The following MBD5 variants were observed in gnomAD, a reference collection of about 807,000 sequenced individuals.
The protein encoded by MBD5 is methyl-CpG binding domain protein 5.
Under a neutral mutation model 117.3 loss-of-function variants are expected in MBD5, and 13 were observed. The observed-to-expected ratio is 0.11, with a 90% CI of 0.07 to 0.18. The LOEUF is 0.18. Ranked by LOEUF, MBD5 falls within the 10% of genes least tolerant of loss-of-function variation. The pLI is 1.00. For missense variants in MBD5, 1,879 were observed against 2,093.8 expected (o/e 0.90, Z 2.00); for synonymous variants, 727 against 766.4 (o/e 0.95, Z 0.85).
intron 1 of MBD5, among the ~76,000 whole-genome samples, chr2:148,029,812 TTTATG>T (rs1233059513): frequency 6.6e-6 from 1 of 152,224 alleles, no homozygotes; most frequent in East Asian, 1.9e-4. Context: ...CTACACATTC[TTTATG>T]TATGTACATG....
At chr2:148,217,305 T>C (rs1328203634) in intron 2 of MBD5, among the ~76,000 whole-genome samples, 3 of 152,136 alleles carry the variant, frequency 2.0e-5, no homozygotes, top group African/African-American at 7.2e-5. Context: ...GGCCTTTCTT[T>C]GCATTCAGCT....
rs534064051 is a variant in MBD5 at position 148,453,845 on chromosome 2, C to A, written c.-556-4358C>A. ...TTTTAATATTTAGCAAAAGAAGGCA[C>A]GCATCAGTTTCAAAAGTTTAAGAAA... On this transcript the variant is annotated intron_variant, in intron 4 of 13. Coordinates refer to ENST00000642680, the MANE Select transcript of MBD5 (RefSeq NM_001378120.1). Among the ~76,000 whole-genome samples the A allele has an allele frequency of 9.2e-5, 14 of 152,042 alleles. No individual in the cohort carries two copies. In the South Asian group the frequency reaches 2.9e-3, roughly 32 times the overall value.
At chr2:148,422,317 C>T (rs913072404) in intron 4 of MBD5, among the ~76,000 whole-genome samples, 3 of 152,122 alleles carry the variant, frequency 2.0e-5, no homozygotes, top group African/African-American at 4.8e-5. Flanking sequence ...CTCCAGCAAA[C>T]TCTAGCAGAC....
chr2:148,117,362 CAT>C (rs1201642925), intron 1 of MBD5, among the ~76,000 whole-genome samples: 1 of 151,680 alleles, frequency 6.6e-6, no homozygotes, highest in African/African-American at 2.4e-5. Context: ...AGGACTAAGA[CAT>C]GTGTAGCCCA....
chr2:148,227,924 T>C (rs1451130618), intron 2 of MBD5, among the ~76,000 whole-genome samples: 2 of 152,220 alleles, frequency 1.3e-5, no homozygotes, highest in Admixed American at 1.3e-4. Flanking sequence ...CTGTTATTGG[T>C]GTATAAGAAT....
intron 2 of MBD5, among the ~76,000 whole-genome samples, chr2:148,229,760 A>T: frequency 6.6e-6 from 1 of 152,202 alleles, no homozygotes; most frequent in Admixed American, 6.5e-5. Context: ...AGACTCATAA[A>T]GGTACTGCCT....
intron 1 of MBD5, among the ~76,000 whole-genome samples, chr2:148,171,578 T>C (rs1010485876): frequency 3.9e-5 from 6 of 152,184 alleles, no homozygotes; most frequent in African/African-American, 1.2e-4. Flanking sequence ...ATACCCACTG[T>C]TACCTCTCTT....
chr2:148,408,959 A>G (rs1574393042), intron 4 of MBD5, among the ~76,000 whole-genome samples: 2 of 152,318 alleles, frequency 1.3e-5, no homozygotes, highest in East Asian at 3.9e-4. Context: ...CATAGGTTAT[A>G]GGCAAATACT....
intron 4 of MBD5, among the ~76,000 whole-genome samples, chr2:148,417,288 CTTTTTTT>C (rs745409695): frequency 6.5e-5 from 6 of 91,804 alleles, no homozygotes; most frequent in Non-Finnish European, 1.0e-4. Context: ...ATGCACAGCT[CTTTTTTT>C]TTTTTTTTTT....
intron 4 of MBD5, among the ~76,000 whole-genome samples, chr2:148,379,656 T>C (rs1453128896): frequency 6.6e-6 from 1 of 152,074 alleles, no homozygotes; most frequent in Non-Finnish European, 1.5e-5. Context: ...CTATTAATAC[T>C]ACTAATAGGT....
chr2:148,209,177 A>G (rs576610291), intron 2 of MBD5, among the ~76,000 whole-genome samples: 1 of 152,322 alleles, frequency 6.6e-6, no homozygotes, highest in African/African-American at 2.4e-5. Flanking sequence ...TCATTTTATT[A>G]TATATCTCAT....
At chr2:148,439,795 G>T (rs541631022) in intron 4 of MBD5, among the ~76,000 whole-genome samples, 9 of 147,376 alleles carry the variant, frequency 6.1e-5, no homozygotes, top group Admixed American at 1.4e-4. Flanking sequence ...CTGAAGTGCA[G>T]TGGTATGATC....
intron 1 of MBD5, among the ~76,000 whole-genome samples, chr2:148,157,215 GC>G (rs1343700229): frequency 6.6e-6 from 1 of 151,746 alleles, no homozygotes; most frequent in African/African-American, 2.4e-5. Flanking sequence ...GTATACATGT[GC>G]CCTGGTGGTT....
chr2:148,158,074 A>G (rs1697916546), intron 1 of MBD5, among the ~76,000 whole-genome samples: 1 of 152,178 alleles, frequency 6.6e-6, no homozygotes, highest in Non-Finnish European at 1.5e-5. Flanking sequence ...TAACAAAATA[A>G]TATGCTAGCA....
At chr2:148,400,247 T>C (rs1341275429) in intron 4 of MBD5, among the ~76,000 whole-genome samples, 1 of 152,158 alleles carries the variant, frequency 6.6e-6, no homozygotes, top group East Asian at 1.9e-4. Flanking sequence ...TTTTCAGTAA[T>C]ATGGTATTCC....
chr2:148,470,339 C>G lies in MBD5; in HGVS notation c.2396C>G (p.Ser799Trp), dbSNP rs759990854. The change falls in exon 8 of 14, where the codon TCG becomes TGG. Residue 799 changes from serine to tryptophan, a missense_variant. Physicochemically the swap from Ser to Trp is radical, Grantham distance 177. Transcript: ENST00000642680. Reference sequence around the variant, plus strand: ...GGGAACTGTGGGATGCTCAGTCAGTCGGGCATGGCTTTAGGAAATTCCTTA... The same window carrying G: ...GGGAACTGTGGGATGCTCAGTCAGTGGGGCATGGCTTTAGGAAATTCCTTA... ...ASGNCGMLSQ[S>W]GMALGNSLHP... is the part of the protein sequence containing the mutation. 6.2e-7 allele frequency: 1 copy of G among 1,613,864 alleles called. No homozygotes were observed. The highest frequency in any genetic ancestry group is 2.2e-5 in the East Asian group (1 of 44,878).
intron 1 of MBD5, among the ~76,000 whole-genome samples, chr2:148,051,309 T>C (rs1490993977): frequency 7.8e-6 from 1 of 128,534 alleles, no homozygotes; most frequent in Non-Finnish European, 1.7e-5. Context: ...CTCTAAAATA[T>C]TTTAGTGGAT....
chr2:148,294,418 G>T (rs1444173897), intron 3 of MBD5, among the ~76,000 whole-genome samples: 1 of 149,800 alleles, frequency 6.7e-6, no homozygotes, highest in Non-Finnish European at 1.5e-5. Context: ...TAGAGACAGG[G>T]TTTCACTGTG....
intron 2 of MBD5, among the ~76,000 whole-genome samples, chr2:148,197,734 T>C (rs1303326908): frequency 6.6e-6 from 1 of 152,066 alleles, no homozygotes; most frequent in Non-Finnish European, 1.5e-5. Context: ...TTTTCTTTCT[T>C]TTATTTATTT....
Sources: gnomAD v4.1 joint callset for allele counts (sites outside exome capture counted in the v4.1 genomes callset) on GRCh38, gnomAD v4.1.1 for gene constraint, MANE v1.5 for transcripts, NCBI Gene and HGNC (gene_info 2026-07-23, HGNC 2026-07-21) for gene names.